Variants in CHRM2 observed in about 807,000 individuals in gnomAD.
CHRM2 encodes the protein muscarinic acetylcholine receptor M2.
In CHRM2, 8 loss-of-function variants were observed where a neutral mutation model predicts 25.0. The observed-to-expected ratio is 0.32, with a 90% CI of 0.19 to 0.58. The LOEUF (loss-of-function observed/expected upper bound fraction) is 0.58, where lower values mean the gene tolerates loss of function less well. CHRM2 is among the 20% of genes least tolerant of loss of function. The pLI, the probability that CHRM2 is intolerant of heterozygous loss-of-function variation, is 0.88. For missense variants in CHRM2, 440 were observed against 567.1 expected, an observed-to-expected ratio of 0.78 and a Z score of 2.28; for synonymous variants, 202 against 205.7, an observed-to-expected ratio of 0.98 and a Z score of 0.15.
intron 2 of CHRM2, chr7:136,901,724 G>A (rs1797221320): frequency 1.3e-5 from 2 of 151,930 alleles, no homozygotes; most frequent in African/African-American, 2.4e-5. Flanking sequence ...TAACAACATT[G>A]ATAATTTCAT....
At chr7:136,913,981 G>T (rs963739324) in intron 2 of CHRM2, 14 of 151,922 alleles carry the variant, frequency 9.2e-5, no homozygotes, top group African/African-American at 3.4e-4. Context: ...TTAAGTGTCA[G>T]TTTAATGTAT....
intron 3 of CHRM2, among the ~76,000 whole-genome samples, chr7:136,994,631 A>G (rs1244046285): frequency 6.7e-6 from 1 of 148,414 alleles, no homozygotes; most frequent in Non-Finnish European, 1.5e-5. Context: ...CGTGGGTCCA[A>G]GCGATTCTCC....
At chr7:136,906,096 T>C (rs1224465343) in intron 2 of CHRM2, among the ~76,000 whole-genome samples, 1 of 150,918 alleles carries the variant, frequency 6.6e-6, no homozygotes, top group Non-Finnish European at 1.5e-5. Flanking sequence ...AAATTTACAA[T>C]ATGTATGTAT....
intron 2 of CHRM2, among the ~76,000 whole-genome samples, chr7:136,928,896 T>A (rs749546496): frequency 2.6e-5 from 4 of 152,186 alleles, no homozygotes; most frequent in Non-Finnish European, 4.4e-5. Context: ...GAAACAAAAA[T>A]AGCAGCTATC....
chr7:136,973,769 T>G (rs1801936574), intron 2 of CHRM2, among the ~76,000 whole-genome samples: 1 of 152,028 alleles, frequency 6.6e-6, no homozygotes, highest in East Asian at 1.9e-4. Flanking sequence ...AAGATGGTAA[T>G]GGAGTTGATG....
chr7:136,955,431 C>A (rs1800667148), intron 2 of CHRM2, among the ~76,000 whole-genome samples: 1 of 152,096 alleles, frequency 6.6e-6, no homozygotes, highest in Non-Finnish European at 1.5e-5. Flanking sequence ...AATTATTTCC[C>A]AATGGTAAAG....
rs6967953 is a variant in CHRM2, at chr7:137,018,629, T to C, written c.*2363T>C. 0.59 allele frequency: 89,621 copies of C among 151,628 alleles called. 27,837 individuals carry two copies. Among genetic ancestry groups the C allele is most frequent in the African/African-American group, 0.7 (29,126 of 41,390 alleles). 9.4% of individuals were successfully genotyped at this position (151,628 alleles called of 1,614,324 possible). A position where few individuals can be genotyped will look rare whatever the true frequency, so the allele number is the denominator to read the frequency against. ...CAGGGTCTTTTTTTGTTTGCTCTAATAATCCAACGCACCATGAATCAAGCT... is the reference window on the plus strand; with the variant it reads ...CAGGGTCTTTTTTTGTTTGCTCTAACAATCCAACGCACCATGAATCAAGCT... On this transcript the variant is annotated 3_prime_UTR_variant, in exon 4 of 4. Transcript: ENST00000680005.
At chr7:136,976,217 C>G (rs748052765) in intron 2 of CHRM2, among the ~76,000 whole-genome samples, 1 of 151,886 alleles carries the variant, frequency 6.6e-6, no homozygotes, top group African/African-American at 2.4e-5. Context: ...AGAATTGTGG[C>G]CTATGAAGTA....
chr7:136,976,883 A>T (rs2130954511), intron 2 of CHRM2, among the ~76,000 whole-genome samples: 1 of 152,272 alleles, frequency 6.6e-6, no homozygotes, highest in East Asian at 1.9e-4. Flanking sequence ...TTCACTGGTG[A>T]TATTTGCTTT....
chr7:136,933,223 TAAAGA>T (rs1174890979), intron 2 of CHRM2, among the ~76,000 whole-genome samples: 2 of 152,116 alleles, frequency 1.3e-5, no homozygotes, highest in African/African-American at 4.8e-5. Flanking sequence ...TACAGCTTAC[TAAAGA>T]AAAGTAATCC....
At chr7:136,871,706 G>T (rs962984447) in intron 2 of CHRM2, 2 of 152,234 alleles carry the variant, frequency 1.3e-5, no homozygotes, top group African/African-American at 4.8e-5. Context: ...TAAAGGCACT[G>T]ATGATCACAG....
chr7:136,963,172 A>G (rs1033982247), intron 2 of CHRM2, among the ~76,000 whole-genome samples: 7 of 152,238 alleles, frequency 4.6e-5, no homozygotes, highest in Non-Finnish European at 8.8e-5. Flanking sequence ...CAAAACAAAA[A>G]GGAAACAGAA....
intron 3 of CHRM2, among the ~76,000 whole-genome samples, chr7:137,012,627 C>G (rs896777600): frequency 2.0e-5 from 3 of 151,900 alleles, no homozygotes; most frequent in African/African-American, 7.2e-5. Flanking sequence ...TTTTACTAGC[C>G]GCATAATATT....
At chr7:136,897,984 A>G (rs1796997156) in intron 2 of CHRM2, among the ~76,000 whole-genome samples, 1 of 152,148 alleles carries the variant, frequency 6.6e-6, no homozygotes, top group African/African-American at 2.4e-5. Context: ...ACTGAGATAC[A>G]CATTGCTCTG....
At chr7:136,871,343 C>T (rs1014077625) in intron 2 of CHRM2, 1 of 152,448 alleles carries the variant, frequency 6.6e-6, no homozygotes, top group Non-Finnish European at 1.5e-5. Flanking sequence ...CCCGCCCCGC[C>T]GCTGGGCGTC....
At chr7:136,898,375 T>C (rs1175389356) in intron 2 of CHRM2, among the ~76,000 whole-genome samples, 1 of 152,026 alleles carries the variant, frequency 6.6e-6, no homozygotes, top group Admixed American at 6.6e-5. Flanking sequence ...GCAGAAGAAA[T>C]TGTTTAGGCT....
chr7:136,924,315 A>C, intron 2 of CHRM2, among the ~76,000 whole-genome samples: 2 of 150,534 alleles, frequency 1.3e-5, no homozygotes, highest in Non-Finnish European at 1.5e-5. Flanking sequence ...GCACCCAGTA[A>C]CTCGTCATTT....
Position 136,940,766 on chromosome 7 carries a change from T to C in CHRM2, c.-124-51421T>C, listed in dbSNP as rs76680213. On this transcript the variant is annotated intron_variant, in intron 2 of 3. Coordinates refer to ENST00000680005, the MANE Select transcript of CHRM2 (RefSeq NM_001006630.2). ...AAAAATTCTGGGTGTTAGGTACTAT[T>C]ATTTTCCTTTTGCATATGAAGAAAC... Among the ~76,000 whole-genome samples the C allele has an allele frequency of 4.1e-3, 626 of 152,340 alleles. 4 individuals carry two copies. The highest frequency in any genetic ancestry group is 0.014 in the African/African-American group (594 of 41,576).
chr7:137,019,787 A>G lies in CHRM2; in HGVS notation c.*3521A>G, dbSNP rs1805343727. 6.6e-6 allele frequency: 1 copy of G among 151,860 alleles called. No individual in the cohort carries two copies. Among genetic ancestry groups the G allele is most frequent in the Non-Finnish European group, 1.5e-5 (1 of 67,870 alleles). The allele number at this position is 151,860 out of a possible 1,614,324, so 9.4% of individuals were successfully genotyped here. A position where few individuals can be genotyped will look rare whatever the true frequency, so the allele number is the denominator to read the frequency against. Reference sequence around the variant, plus strand: ...GTAAGCTTTCTGATTTGAAATGTACAAGCTGGATGTCCAACATACTCCTGC... The same window carrying G: ...GTAAGCTTTCTGATTTGAAATGTACGAGCTGGATGTCCAACATACTCCTGC... On this transcript the variant is annotated 3_prime_UTR_variant, in exon 4 of 4. Transcript: ENST00000680005.
Sources: gnomAD v4.1 joint callset for allele counts (sites outside exome capture counted in the v4.1 genomes callset) on GRCh38, gnomAD v4.1.1 for gene constraint, MANE v1.5 for transcripts, NCBI Gene and HGNC (gene_info 2026-07-23, HGNC 2026-07-21) for gene names.